The following CEP350 variants were observed in gnomAD, a reference collection of about 807,000 sequenced individuals.
CEP350 encodes centrosome-associated protein 350.
CEP350 carries 126 observed loss-of-function variants against 331.8 expected under a neutral mutation model. The ratio of observed to expected loss-of-function variants is 0.38; its 90% CI spans 0.33 to 0.44. The LOEUF is 0.44. Among genes scored for constraint, CEP350 ranks in the 20% least tolerant of loss-of-function variants. The pLI is 1.00. For missense variants in CEP350, 3,406 were observed against 3,634.6 expected, an observed-to-expected ratio of 0.94 and a Z score of 1.62; for synonymous variants, 1,200 against 1,259.5, an observed-to-expected ratio of 0.95 and a Z score of 1.00.
Position 180,093,119 on chromosome 1 carries a change from G to T in CEP350, c.7014G>T (p.Met2338Ile). ...AAGAGAGACAGTCAGATCAAGATAT[G>T]AATCATAGTCCAAACATCCAATCAG... ...MLKERQSDQD[M>I]NHSPNIQSGK... is the part of the protein sequence containing the mutation. The change falls in exon 34 of 38, where the codon ATG (methionine) becomes ATT (isoleucine). Residue 2338 changes from methionine to isoleucine, a missense_variant. Coordinates refer to ENST00000367607, the MANE Select transcript of CEP350 (RefSeq NM_014810.5). 1 of 1,602,104 alleles carries T rather than the reference G, an allele frequency of 6.2e-7. No individual in the cohort carries two copies. The highest frequency in any genetic ancestry group is 1.1e-5 in the South Asian group (1 of 89,062).
intron 27 of CEP350, among the ~76,000 whole-genome samples, chr1:180,071,390 C>T (rs1394985014): frequency 6.9e-6 from 1 of 145,394 alleles, no homozygotes; most frequent in South Asian, 2.2e-4. Flanking sequence ...ACCCGGGAGA[C>T]GGAGATTGTA....
chr1:180,086,557 ATAT>A (rs1558149942), intron 31 of CEP350, among the ~76,000 whole-genome samples: 6 of 151,796 alleles, frequency 4.0e-5, no homozygotes, highest in South Asian at 2.1e-4. Context: ...ATATATATAT[ATAT>A]AAAATACATA....
chr1:180,079,664 G>A (rs544691287), intron 29 of CEP350, among the ~76,000 whole-genome samples: 37 of 151,570 alleles, frequency 2.4e-4, no homozygotes, highest in African/African-American at 7.2e-4. Context: ...CTTTTATTCC[G>A]TAAATTTCTA....
intron 6 of CEP350, among the ~76,000 whole-genome samples, chr1:179,999,500 T>C (rs1653717462): frequency 6.6e-6 from 1 of 152,158 alleles, no homozygotes; most frequent in South Asian, 2.1e-4. Context: ...AATGAAAAAC[T>C]GTTTTTCTGC....
intron 21 of CEP350, among the ~76,000 whole-genome samples, chr1:180,046,982 T>C (rs555855152): frequency 1.2e-3 from 190 of 152,326 alleles, no homozygotes; most frequent in African/African-American, 4.3e-3. Context: ...TTTCAAAAAC[T>C]TATTAAACCA....
Position 179,961,446 on chromosome 1 carries a change from A to AAAAAT in CEP350, c.-14+6323_-14+6327dup, listed in dbSNP as rs549381937. On this transcript the variant is annotated intron_variant, in intron 1 of 37. Transcript: ENST00000367607. ...CAGGGCGACAGAGAGACTGTGTCTC[A>AAAAAT]AAAATAAAATAAAATAAAATAAAGC... Among the ~76,000 whole-genome samples, 175 of 152,298 alleles carry AAAAAT rather than the reference A, an allele frequency of 1.1e-3. 1 individual carries two copies. Among genetic ancestry groups the AAAAAT allele is most frequent in the African/African-American group, 3.9e-3 (161 of 41,560 alleles).
chr1:179,978,577 C>T (rs1652050014), intron 1 of CEP350, among the ~76,000 whole-genome samples: 1 of 152,006 alleles, frequency 6.6e-6, no homozygotes, highest in Non-Finnish European at 1.5e-5. Flanking sequence ...CTCTGTTCTA[C>T]TTTTCTATGA....
At chr1:179,968,763 T>C in intron 1 of CEP350, 1 of 635,310 alleles carries the variant, frequency 1.6e-6, no homozygotes, top group Admixed American at 1.8e-5. Context: ...AGTACATCTA[T>C]AAAAGGAAAA....
At chr1:180,046,458 C>G (rs529076044) in intron 21 of CEP350, among the ~76,000 whole-genome samples, 1 of 152,240 alleles carries the variant, frequency 6.6e-6, no homozygotes, top group African/African-American at 2.4e-5. Context: ...CCTGGATATC[C>G]CACATTTTAT....
chr1:180,023,027 G>A (rs1041029177), intron 13 of CEP350, among the ~76,000 whole-genome samples, 179 bp downstream of exon 13: 3 of 152,044 alleles, frequency 2.0e-5, no homozygotes, highest in Non-Finnish European at 2.9e-5. Context: ...TTAAATCCAG[G>A]CTCTCCTGGT....
At chr1:180,058,900 C>T (rs1658024954) in intron 25 of CEP350, among the ~76,000 whole-genome samples, 1 of 152,078 alleles carries the variant, frequency 6.6e-6, no homozygotes, top group African/African-American at 2.4e-5. Context: ...TTTGGTACAA[C>T]CGTATCCAAA....
rs115082280 is a variant in CEP350 at position 179,967,097 on chromosome 1, T to G, written c.-14+11955T>G. ...TTCAGAGAGGCTTCTTAGACTATAC[T>G]TTATACAATAGATCATCTCTGAAAA... On this transcript the variant is annotated intron_variant, in intron 1 of 37. Transcript: ENST00000367607. Among the ~76,000 whole-genome samples, 546 of 152,346 alleles carry G rather than the reference T, an allele frequency of 3.6e-3. 1 individual carries two copies. The highest frequency in any genetic ancestry group is 7.2e-3 in the South Asian group (35 of 4,830).
intron 12 of CEP350, among the ~76,000 whole-genome samples, chr1:180,022,307 G>C (rs190698933): frequency 6.6e-6 from 1 of 152,106 alleles, no homozygotes; most frequent in African/African-American, 2.4e-5. Flanking sequence ...TTTTCATTAA[G>C]ATTTTATAGT....
chr1:180,075,181 T>A lies in CEP350; in HGVS notation c.5727T>A (p.Thr1909=), dbSNP rs1324184221. The A allele has an allele frequency of 1.9e-6, 3 of 1,612,816 alleles. No individual in the cohort carries two copies. The Admixed American group carries it at 5.0e-5, about 27-fold the overall frequency. Residue 1909 remains threonine, a synonymous_variant, in exon 28 of 38, where the codon ACT becomes ACA. Transcript: ENST00000367607. ...ACAAAGAATTAATAAAACCCAAAAC[T>A]CCTAAGAAAGAACTGGAGGACCAGA... is the stretch of plus-strand genomic sequence containing the variant. ...AWDKELIKPK[T]PKKELEDQRT...
intron 7 of CEP350, among the ~76,000 whole-genome samples, chr1:180,005,722 A>G (rs1157811983): frequency 6.6e-6 from 1 of 152,170 alleles, no homozygotes; most frequent in Non-Finnish European, 1.5e-5. Context: ...CCTTAGTTAT[A>G]TGTCTCTGAC....
chr1:179,991,317 T>TTC (rs35624836), intron 4 of CEP350, among the ~76,000 whole-genome samples: 7,972 of 138,816 alleles, frequency 0.057, 203 homozygotes, highest in African/African-American at 0.12. Context: ...TTCTTTTCTT[T>TTC]TTTTTTTTTT....
intron 1 of CEP350, among the ~76,000 whole-genome samples, chr1:179,965,065 T>G (rs925051129): frequency 6.6e-6 from 1 of 152,156 alleles, no homozygotes; most frequent in Non-Finnish European, 1.5e-5. Context: ...TTAACATTGC[T>G]TTTGCTGTAT....
intron 8 of CEP350, among the ~76,000 whole-genome samples, chr1:180,007,503 A>G (rs976120955): frequency 1.3e-5 from 2 of 152,194 alleles, no homozygotes; most frequent in Non-Finnish European, 2.9e-5. Flanking sequence ...TCTGGATGTT[A>G]GCCCTTTGTC....
chr1:180,001,064 T>C (rs577226430), intron 6 of CEP350, among the ~76,000 whole-genome samples: 1 of 152,302 alleles, frequency 6.6e-6, no homozygotes, highest in Admixed American at 6.5e-5. Context: ...AAAGTACTAC[T>C]ACCAGTTTTT....
Sources: allele counts gnomAD v4.1 joint callset (sites outside exome capture counted in the v4.1 genomes callset), GRCh38; gene constraint gnomAD v4.1.1; transcripts MANE v1.5; gene names NCBI Gene and HGNC (gene_info 2026-07-23, HGNC 2026-07-21).